The following PALM2AKAP2 variants were observed in gnomAD, a reference collection of about 807,000 sequenced individuals.
PALM2AKAP2 encodes the protein PALM2 and AKAP2 fusion, also known as PALM2-AKAP2 fusion protein.
In PALM2AKAP2, 37 loss-of-function variants were observed where a neutral mutation model predicts 71.5. The ratio of observed to expected loss-of-function variants is 0.52; its 90% CI spans 0.40 to 0.68. The LOEUF (loss-of-function observed/expected upper bound fraction) is 0.68, where lower values mean the gene tolerates loss of function less well. PALM2AKAP2 is among the 30% of genes least tolerant of loss of function. The pLI is 0.00. For synonymous variants in PALM2AKAP2, 468 were observed against 478.8 expected (o/e 0.98, Z 0.29); for missense variants, 1,224 against 1,191.8 (o/e 1.03, Z -0.40).
At chr9:109,675,856 G>A (rs776962310) in intron 1 of PALM2AKAP2, among the ~76,000 whole-genome samples, 3 of 152,036 alleles carry the variant, frequency 2.0e-5, no homozygotes, top group Non-Finnish European at 4.4e-5. Context: ...CCTATGCCTT[G>A]TCCCCCTTTG....
At chr9:110,164,705 AT>A (rs1238516924) in intron 3 of PALM2AKAP2, among the ~76,000 whole-genome samples, 1 of 151,796 alleles carries the variant, frequency 6.6e-6, no homozygotes, top group Non-Finnish European at 1.5e-5. Context: ...TAATTTTTGT[AT>A]TTTTAGTAGA....
chr9:110,002,295 T>C (rs1317004904), intron 6 of PALM2AKAP2, among the ~76,000 whole-genome samples: 3 of 152,182 alleles, frequency 2.0e-5, no homozygotes, highest in Non-Finnish European at 4.4e-5. Context: ...TCATTGGTTC[T>C]GTTTATATGC....
intron 7 of PALM2AKAP2, among the ~76,000 whole-genome samples, chr9:110,024,648 G>A (rs541860285): frequency 3.3e-5 from 5 of 152,044 alleles, no homozygotes; most frequent in Non-Finnish European, 7.4e-5. Flanking sequence ...GCTGGATGTG[G>A]TGGCATGCAT....
At chr9:110,079,975 C>T (rs1834409829) in intron 1 of PALM2AKAP2, among the ~76,000 whole-genome samples, 1 of 144,610 alleles carries the variant, frequency 6.9e-6, no homozygotes, top group Non-Finnish European at 1.5e-5. Flanking sequence ...GAGACTGAGG[C>T]AGGAGAATCA....
intron 1 of PALM2AKAP2, among the ~76,000 whole-genome samples, chr9:109,856,947 C>G (rs1829183103): frequency 6.6e-6 from 1 of 152,160 alleles, no homozygotes; most frequent in Non-Finnish European, 1.5e-5. Flanking sequence ...TATTTCCAAC[C>G]ACGACAGCTA....
At chr9:110,041,843 G>A (rs1408786643) in intron 7 of PALM2AKAP2, among the ~76,000 whole-genome samples, 1 of 152,218 alleles carries the variant, frequency 6.6e-6, no homozygotes, top group Non-Finnish European at 1.5e-5. Context: ...CAGATGGAAA[G>A]CTTAAGCAAA....
intron 1 of PALM2AKAP2, among the ~76,000 whole-genome samples, chr9:109,708,787 C>T (rs957993519): frequency 1.3e-5 from 2 of 152,200 alleles, no homozygotes; most frequent in African/African-American, 4.8e-5. Flanking sequence ...CTGCTTGCTT[C>T]CTGCTTTAGC....
In PALM2AKAP2 at chr9:110,115,806, T is replaced by A. The variant is rs570476566; in HGVS notation, c.157-20321T>A. On this transcript the variant is annotated intron_variant, in intron 1 of 3. Transcript: ENST00000374525. ...AACCTTTTAGAACCTTCCACCAGTT[T>A]CCCTGCAATCAATAGGTAGCTGATT... Among the ~76,000 whole-genome samples, 31 of 152,288 alleles carry A rather than the reference T, an allele frequency of 2.0e-4. No homozygotes were observed. The South Asian group carries it at 2.7e-3, about 13-fold the overall frequency.
intron 7 of PALM2AKAP2, among the ~76,000 whole-genome samples, chr9:110,040,285 G>A (rs1040601525): frequency 6.6e-6 from 1 of 152,108 alleles, no homozygotes; most frequent in Admixed American, 6.5e-5. Flanking sequence ...CCTTATAATC[G>A]TAATAGTTAC....
exon 2 of PALM2AKAP2, chr9:110,136,637 C>T: frequency 1.2e-6 from 2 of 1,614,144 alleles, no homozygotes; most frequent in Non-Finnish European, 1.7e-6. Flanking sequence ...AACAAATGGC[C>T]ATTCCCCCAG....
chr9:109,977,151 G>A (rs1354599692), intron 6 of PALM2AKAP2, among the ~76,000 whole-genome samples: 1 of 152,156 alleles, frequency 6.6e-6, no homozygotes, highest in African/African-American at 2.4e-5. Context: ...GACCAGACAC[G>A]GAGAACCACT....
intron 1 of PALM2AKAP2, among the ~76,000 whole-genome samples, chr9:109,697,647 A>G (rs1331445816): frequency 2.6e-5 from 4 of 152,226 alleles, no homozygotes; most frequent in Non-Finnish European, 5.9e-5. Context: ...CATTTAAAAA[A>G]ATTAGCATGT....
At position 110,154,668 on chromosome 9, in the gene PALM2AKAP2, G is replaced by A. The variant is rs188144361; in HGVS notation, c.2570-1651G>A. On this transcript the variant is annotated intron_variant, in intron 2 of 3. Coordinates refer to ENST00000374525, the Ensembl canonical transcript of PALM2AKAP2. ...TATTATTGTACTGTTAATATCAAAA[G>A]ACTTTTCAGTTATCTGGGTAATTTA... is the stretch of plus-strand genomic sequence containing the variant. 5.9e-5 allele frequency among the ~76,000 whole-genome samples: 9 copies of A among 152,258 alleles called. No individual in the cohort carries two copies. The East Asian group carries it at 1.7e-3, about 29-fold the overall frequency.
rs1185909322 is a variant in PALM2AKAP2, at chr9:110,091,100, G to A, written c.156+42245G>A. 2.0e-5 allele frequency among the ~76,000 whole-genome samples: 3 copies of A among 152,230 alleles called. No individual in the cohort carries two copies. In the East Asian group the frequency reaches 5.8e-4, roughly 29 times the overall value. ...CTGCTAGTCGGGCACTTGGCACTTT[G>A]CAGGGATTTGGGGCAGGTTTTATGT... On this transcript the variant is annotated intron_variant, in intron 1 of 3. Coordinates refer to ENST00000374525, the Ensembl canonical transcript of PALM2AKAP2.
upstream of PALM2AKAP2, among the ~76,000 whole-genome samples, chr9:110,043,714 G>GTTTTT (rs71492869): frequency 6.1e-4 from 60 of 98,380 alleles, 3 homozygotes; most frequent in Non-Finnish European, 7.3e-4. Context: ...GTTTTTTTTG[G>GTTTTT]TGTTTTTTTT....
intron 2 of PALM2AKAP2, among the ~76,000 whole-genome samples, chr9:109,873,492 T>TAAAAC (rs1829653215): frequency 7.5e-6 from 1 of 133,398 alleles, no homozygotes; most frequent in African/African-American, 2.6e-5. Flanking sequence ...TAAAATAAAA[T>TAAAAC]AAAATTGAAT....
chr9:109,893,191 C>G (rs1016592747), intron 3 of PALM2AKAP2, among the ~76,000 whole-genome samples: 3 of 152,184 alleles, frequency 2.0e-5, no homozygotes, highest in Non-Finnish European at 4.4e-5. Flanking sequence ...GTCCCATCTC[C>G]CCAACAACTG....
intron 1 of PALM2AKAP2, among the ~76,000 whole-genome samples, chr9:110,124,553 T>A (rs1201654463): frequency 6.6e-6 from 1 of 152,210 alleles, no homozygotes; most frequent in Non-Finnish European, 1.5e-5. Flanking sequence ...GAGGCAGAGT[T>A]GAGCCAGTGG....
chr9:109,755,155 C>T (rs556075380), intron 1 of PALM2AKAP2, among the ~76,000 whole-genome samples: 1 of 152,214 alleles, frequency 6.6e-6, no homozygotes, highest in Admixed American at 6.5e-5. Context: ...TCCCCACTCC[C>T]ACATACGTAG....
Sources: gnomAD v4.1 joint callset for allele counts (sites outside exome capture counted in the v4.1 genomes callset) on GRCh38, gnomAD v4.1.1 for gene constraint, MANE v1.5 for transcripts, NCBI Gene and HGNC (gene_info 2026-07-23, HGNC 2026-07-21) for gene names.